Variants in SYCP3 observed in about 807,000 individuals in gnomAD.
SYCP3 encodes the protein synaptonemal complex protein 3.
In SYCP3, 29 loss-of-function variants were observed where a neutral mutation model predicts 38.5. The ratio of observed to expected loss-of-function variants is 0.75; its 90% CI spans 0.56 to 1.03. SYCP3 has a LOEUF of 1.03. Among genes scored for constraint, SYCP3 ranks in the 50% least tolerant of loss-of-function variants. The pLI, the probability that SYCP3 is intolerant of heterozygous loss-of-function variation, is 0.00. For synonymous variants in SYCP3, 79 were observed against 80.3 expected (o/e 0.98, Z 0.08); for missense variants, 242 against 270.7 (o/e 0.89, Z 0.74).
rs1330183032 is a variant in SYCP3 at position 101,728,765 on chromosome 12, C to T, written c.*162G>A. On this transcript the variant is annotated 3_prime_UTR_variant, in exon 9 of 9. Transcript: ENST00000392924. ...GGAATAGTTGCTAACTAACTCATAA[C>T]TATTTAGATTTGACTTAACAGAAAG... 4 of 959,198 alleles carry T rather than the reference C, an allele frequency of 4.2e-6. No individual in the cohort carries two copies. Among genetic ancestry groups the T allele is most frequent in the Non-Finnish European group, 6.2e-6 (4 of 647,062 alleles). 59.4% of individuals were successfully genotyped at this position (959,198 alleles called of 1,614,324 possible).
rs1952042955 is a variant in SYCP3, at chr12:101,728,730, A to G, written c.*197T>C. The G allele has an allele frequency of 2.0e-5, 14 of 687,710 alleles. 1 individual carries two copies. In the South Asian group the frequency reaches 2.2e-4, roughly 11 times the overall value. The allele number at this position is 687,710 out of a possible 1,614,324, so 42.6% of individuals were successfully genotyped here. ...TACTAAAGAGCTGAAAGCTTAATAC[A>G]TATTCTTTAGGAATAGTTGCTAACT... On this transcript the variant is annotated 3_prime_UTR_variant, in exon 9 of 9. Coordinates refer to ENST00000392924, the MANE Select transcript of SYCP3 (RefSeq NM_001177949.2).
At chr12:101,730,489 T>TA (rs1952139356) in intron 7 of SYCP3, 2 of 403,602 alleles carry the variant, frequency 5.0e-6, no homozygotes, top group African/African-American at 2.3e-5. Context: ...TGTGTGTGTA[T>TA]AATTTTTTTT....
intron 2 of SYCP3, 141 bp from the exon 3 acceptor site, chr12:101,737,439 A>C (rs887398968): frequency 2.5e-6 from 2 of 801,764 alleles, no homozygotes; most frequent in Non-Finnish European, 4.0e-6. Context: ...TAAAAATGCA[A>C]TATTCTCTGC....
chr12:101,735,871 A>ATATATATATATATATATATAT, intron 4 of SYCP3, among the ~76,000 whole-genome samples: 1 of 74,790 alleles, frequency 1.3e-5, no homozygotes, highest in African/African-American at 6.3e-5. Context: ...ATATATATAT[A>ATATATATATATATATATATAT]TTTTTTTTTT....
chr12:101,737,527 A>G, intron 2 of SYCP3: 1 of 645,484 alleles, frequency 1.5e-6, no homozygotes, highest in South Asian at 2.0e-5. Context: ...TTAATGTCAC[A>G]GTAAGCCACA....
chr12:101,731,694 GT>G (rs1318258835), intron 6 of SYCP3, 28 bp from the exon 7 acceptor site: 1 of 1,492,034 alleles, frequency 6.7e-7, no homozygotes, highest in African/African-American at 1.4e-5. Context: ...AAAAAACTGT[GT>G]AATAACAATT....
intron 2 of SYCP3, 139 bp from the exon 3 acceptor site, chr12:101,737,437 C>G: frequency 1.2e-6 from 1 of 811,320 alleles, no homozygotes; most frequent in South Asian, 1.6e-5. Context: ...CATAAAAATG[C>G]AATATTCTCT....
chr12:101,730,063 A>G (rs1412652650), intron 7 of SYCP3, among the ~76,000 whole-genome samples: 1 of 152,138 alleles, frequency 6.6e-6, no homozygotes, highest in Non-Finnish European at 1.5e-5. Flanking sequence ...AAGAATTTAG[A>G]ACAGGAGGCT....
chr12:101,739,237 C>T, intron 1 of SYCP3, 114 bp downstream of exon 1: 1 of 994,056 alleles, frequency 1.0e-6, no homozygotes, highest in African/African-American at 1.7e-5. Flanking sequence ...TTCGCGGCCT[C>T]CGTTTTCTCG....
intron 1 of SYCP3, among the ~76,000 whole-genome samples, chr12:101,738,912 C>T (rs921701922): frequency 6.6e-6 from 1 of 152,226 alleles, no homozygotes; most frequent in African/African-American, 2.4e-5. Context: ...ATTATAGTTG[C>T]TGGCGGGACA....
At chr12:101,737,396 G>C (rs1021232110) in intron 2 of SYCP3, 98 bp from the exon 3 acceptor site, 1 of 1,176,294 alleles carries the variant, frequency 8.5e-7, no homozygotes, top group Non-Finnish European at 1.2e-6. Flanking sequence ...GGATTTTTAG[G>C]CTTTTTGCCA....
intron 5 of SYCP3, among the ~76,000 whole-genome samples, chr12:101,734,676 A>T (rs950863042): frequency 6.6e-6 from 1 of 151,872 alleles, no homozygotes; most frequent in African/African-American, 2.4e-5. Context: ...GCTCACTGTA[A>T]CCTCTGCCTC....
intron 6 of SYCP3, chr12:101,731,976 C>G (rs1328904461): frequency 7.9e-6 from 2 of 254,216 alleles, no homozygotes; most frequent in East Asian, 2.2e-4. Flanking sequence ...ACCTGTTTCT[C>G]AATGATTTTG....
At chr12:101,736,865 A>G (rs1952467368) in intron 4 of SYCP3, among the ~76,000 whole-genome samples, 172 bp downstream of exon 4, 1 of 152,164 alleles carries the variant, frequency 6.6e-6, no homozygotes, top group African/African-American at 2.4e-5. Context: ...ATCATGGAAA[A>G]GATTAACTAT....
At chr12:101,736,900 A>G (rs566323406) in intron 4 of SYCP3, 137 bp downstream of exon 4, 8 of 788,294 alleles carry the variant, frequency 1.0e-5, no homozygotes, top group Admixed American at 7.9e-5. Context: ...CTAAATCACA[A>G]ATACTTATGC....
At position 101,728,795 on chromosome 12, in the gene SYCP3, G is replaced by T; in HGVS notation, c.*132C>A. On this transcript the variant is annotated 3_prime_UTR_variant, in exon 9 of 9. Coordinates refer to ENST00000392924, the MANE Select transcript of SYCP3 (RefSeq NM_001177949.2). ...TAGATTTGACTTAACAGAAAGGGAG[G>T]TCTTACAATGAAACAGGTTTATGAT... 1.5e-6 allele frequency: 2 copies of T among 1,293,298 alleles called. No individual in the cohort carries two copies. The highest frequency in any genetic ancestry group is 1.3e-5 in the South Asian group (1 of 76,716). The allele number at this position is 1,293,298 out of a possible 1,614,324, so 80.1% of individuals were successfully genotyped here. A position where few individuals can be genotyped will look rare whatever the true frequency, so the allele number is the denominator to read the frequency against.
At chr12:101,732,013 T>C in intron 6 of SYCP3, 1 of 222,542 alleles carries the variant, frequency 4.5e-6, no homozygotes, top group Non-Finnish European at 8.9e-6. Context: ...AGCCATTGAC[T>C]TACATACTCC....
At chr12:101,737,141 C>T in intron 3 of SYCP3, 70 bp from the exon 4 acceptor site, 1 of 1,602,440 alleles carries the variant, frequency 6.2e-7, no homozygotes, top group South Asian at 1.1e-5. Flanking sequence ...GGAAGAAATA[C>T]CAGATGCCAA....
rs751854918 is a variant in SYCP3 at position 101,734,919 on chromosome 12, C to T, written c.353+8G>A. On this transcript the variant is annotated splice_region_variant and intron_variant, in intron 5 of 8. Coordinates refer to ENST00000392924, the MANE Select transcript of SYCP3 (RefSeq NM_001177949.2). ...AATGTGGCTCTAAAAAAAAAGCAAC[C>T]ACCTTACCTTTGATCTTGTTGTGTT... The T allele has an allele frequency of 6.3e-7, 1 of 1,582,866 alleles. No homozygotes were observed. The highest frequency in any genetic ancestry group is 1.7e-5 in the Admixed American group (1 of 59,942).
Sources: allele counts gnomAD v4.1 joint callset (sites outside exome capture counted in the v4.1 genomes callset), GRCh38; gene constraint gnomAD v4.1.1; transcripts MANE v1.5; gene names NCBI Gene and HGNC (gene_info 2026-07-23, HGNC 2026-07-21).